TESK2: variants seen among roughly 807,000 people sequenced by gnomAD.
TESK2 encodes testis associated actin remodelling kinase 2.
In TESK2, 39 loss-of-function variants were observed where a neutral mutation model predicts 57.1. The ratio of observed to expected loss-of-function variants is 0.68; its 90% CI spans 0.53 to 0.89. TESK2 has a LOEUF of 0.89. TESK2 is among the 40% of genes least tolerant of loss of function. The pLI, the probability that TESK2 is intolerant of heterozygous loss-of-function variation, is 0.00. For missense variants in TESK2, 646 were observed against 732.1 expected (o/e 0.88, Z 1.36); for synonymous variants, 249 against 267.9 (o/e 0.93, Z 0.69).
intron 3 of TESK2, chr1:45,414,982 G>A: frequency 1.5e-6 from 1 of 669,824 alleles, no homozygotes; most frequent in South Asian, 1.7e-5. Context: ...GGTGCTTTGT[G>A]GACACTGCTG....
chr1:45,455,879 A>C (rs1652068328), intron 2 of TESK2, among the ~76,000 whole-genome samples: 1 of 151,968 alleles, frequency 6.6e-6, no homozygotes, highest in Non-Finnish European at 1.5e-5. Flanking sequence ...AAGACATGGG[A>C]AAGTATACCT....
intron 3 of TESK2, among the ~76,000 whole-genome samples, chr1:45,403,778 T>A (rs1162356324): frequency 1.3e-5 from 2 of 151,256 alleles, no homozygotes; most frequent in Non-Finnish European, 2.9e-5. Context: ...GAGGAAAATA[T>A]ATACCCTCTA....
chr1:45,440,286 A>G (rs1231937680), intron 2 of TESK2, among the ~76,000 whole-genome samples: 1 of 152,150 alleles, frequency 6.6e-6, no homozygotes, highest in African/African-American at 2.4e-5. Flanking sequence ...TTGCTCCAAT[A>G]AAAGCCTGTA....
intron 4 of TESK2, among the ~76,000 whole-genome samples, chr1:45,368,920 T>C (rs1415104977): frequency 2.0e-5 from 3 of 150,896 alleles, no homozygotes; most frequent in Non-Finnish European, 4.4e-5. Context: ...GGCTAATTTT[T>C]GTGTGTGTGT....
chr1:45,437,916 G>T (rs935457541), intron 2 of TESK2, among the ~76,000 whole-genome samples: 3 of 152,140 alleles, frequency 2.0e-5, no homozygotes, highest in Non-Finnish European at 4.4e-5. Flanking sequence ...AGATGTTGGG[G>T]TTTGGGGATG....
At chr1:45,357,503 T>C (rs905639890) in intron 4 of TESK2, among the ~76,000 whole-genome samples, 5 of 150,848 alleles carry the variant, frequency 3.3e-5, no homozygotes, top group African/African-American at 1.2e-4. Context: ...TATTTGAAGA[T>C]AGTCTTGCTG....
chr1:45,429,214 T>C (rs545756554), intron 2 of TESK2, among the ~76,000 whole-genome samples: 3 of 152,136 alleles, frequency 2.0e-5, no homozygotes, highest in Non-Finnish European at 2.9e-5. Flanking sequence ...GCCTGGCCAA[T>C]ATGGGGAAAA....
intron 4 of TESK2, among the ~76,000 whole-genome samples, chr1:45,377,367 G>GA (rs1648470813): frequency 6.7e-6 from 1 of 149,180 alleles, no homozygotes; most frequent in Non-Finnish European, 1.5e-5. Context: ...CAAGTGATGA[G>GA]AAAAAATCAA....
Position 45,457,570 on chromosome 1 carries a change from C to T in TESK2, c.216G>A (p.Val72=). The part of the protein sequence containing the change: ...EKIGSGFFSE[V]FKVRHRASGQ... ...AAGCTGAAGACTCACTCACCTTGAA[C>T]ACTTCAGAAAAGAAGCCAGACCCTA... is the stretch of plus-strand genomic sequence containing the variant. The change falls in exon 2 of 11, where the codon GTG becomes GTA. Residue 72 remains valine, a synonymous_variant. Transcript: ENST00000372086. 6.2e-7 allele frequency: 1 copy of T among 1,613,908 alleles called. No homozygotes were observed. Among genetic ancestry groups the T allele is most frequent in the Non-Finnish European group, 8.5e-7 (1 of 1,179,870 alleles).
At chr1:45,455,995 A>G (rs1018254746) in intron 2 of TESK2, among the ~76,000 whole-genome samples, 1 of 151,282 alleles carries the variant, frequency 6.6e-6, no homozygotes, top group African/African-American at 2.4e-5. Flanking sequence ...GAGTTCAAGA[A>G]CAGCCTGGGC....
chr1:45,476,344 C>CA (rs1254021775), intron 1 of TESK2, among the ~76,000 whole-genome samples: 1 of 151,914 alleles, frequency 6.6e-6, no homozygotes, highest in Non-Finnish European at 1.5e-5. Context: ...TTTGTCTCTA[C>CA]AAAAAATACA....
intron 1 of TESK2, among the ~76,000 whole-genome samples, chr1:45,460,009 C>A (rs1415395184): frequency 6.6e-6 from 1 of 152,062 alleles, no homozygotes; most frequent in African/African-American, 2.4e-5. Flanking sequence ...GGAGCTAAAT[C>A]TTGAGTTCAC....
At position 45,367,520 on chromosome 1, in the gene TESK2, T is replaced by G. The variant is rs12093448; in HGVS notation, c.394-12071A>C. 8.9e-3 allele frequency among the ~76,000 whole-genome samples: 1,348 copies of G among 152,022 alleles called. 22 individuals are homozygous for G. Among genetic ancestry groups the G allele is most frequent in the African/African-American group, 0.031 (1,288 of 41,446 alleles). On this transcript the variant is annotated intron_variant, in intron 4 of 10. Transcript: ENST00000372086. ...TGTGCCACCATGCCTGGCTAATTGT[T>G]GTATTTTTAGTAGAGATAGGGTTTC...
rs1256629992 is a variant in TESK2, at chr1:45,377,714, C to T, written c.393+8198G>A. Among the ~76,000 whole-genome samples the T allele has an allele frequency of 1.6e-4, 23 of 144,092 alleles. No individual in the cohort carries two copies. The East Asian group carries it at 1.8e-3, about 11-fold the overall frequency. The allele number at this position is 144,092 out of a possible 152,430, so 94.5% of individuals were successfully genotyped here. ...GATTACAGGTGTGAGCCACTGTGCCCGGCCAAGAACAAGGATTCTAATAAT... is the reference window on the plus strand; with the variant it reads ...GATTACAGGTGTGAGCCACTGTGCCTGGCCAAGAACAAGGATTCTAATAAT... On this transcript the variant is annotated intron_variant, in intron 4 of 10. Coordinates refer to ENST00000372086, the MANE Select transcript of TESK2 (RefSeq NM_007170.3).
rs549019875 is a variant in TESK2, at chr1:45,345,498, T to G, written c.1058A>C (p.His353Pro). 1.9e-6 allele frequency: 3 copies of G among 1,614,078 alleles called. No individual in the cohort carries two copies. Among genetic ancestry groups the G allele is most frequent in the East Asian group, 2.2e-5 (1 of 44,878 alleles). Reference protein sequence around the residue: ...RLSSLDDKIPHKSPCPRRTIW... With the variant: ...RLSSLDDKIPPKSPCPRRTIW... Reference sequence around the variant, plus strand: ...GGTACGTCTTGGGCATGGTGACTTGTGGGGGATCTTGTCATCCAGTGAGCT... The same window carrying G: ...GGTACGTCTTGGGCATGGTGACTTGGGGGGGATCTTGTCATCCAGTGAGCT... The change falls in exon 11 of 11, where the codon CAC (histidine) becomes CCC (proline). Residue 353 changes from histidine to proline, a missense_variant. Coordinates refer to ENST00000372086, the MANE Select transcript of TESK2 (RefSeq NM_007170.3).
At position 45,397,623 on chromosome 1, in the gene TESK2, C is replaced by T. The variant is rs552907830; in HGVS notation, c.345-11663G>A. On this transcript the variant is annotated intron_variant, in intron 3 of 10. Coordinates refer to ENST00000372086, the MANE Select transcript of TESK2 (RefSeq NM_007170.3). ...TTTTATAAAATTCTTATTTTTCCAA[C>T]CCGGACCCAGAGCCAGCACCGCCTG... 1.2e-4 allele frequency among the ~76,000 whole-genome samples: 18 copies of T among 152,196 alleles called. 1 individual carries two copies. The South Asian group carries it at 3.7e-3, about 32-fold the overall frequency.
At chr1:45,442,119 AG>A (rs1007528535) in intron 2 of TESK2, among the ~76,000 whole-genome samples, 1 of 151,988 alleles carries the variant, frequency 6.6e-6, no homozygotes, top group Non-Finnish European at 1.5e-5. Context: ...TATTTTTAGT[AG>A]AGATGAGGTT....
chr1:45,391,040 C>T (rs1320042570), intron 3 of TESK2, among the ~76,000 whole-genome samples: 1 of 151,688 alleles, frequency 6.6e-6, no homozygotes, highest in Non-Finnish European at 1.5e-5. Flanking sequence ...GCCCCAGCCT[C>T]CCGAGTAGCT....
chr1:45,490,757 G>C (rs1222257190), intron 1 of TESK2, 95 bp downstream of exon 1: 1 of 152,256 alleles, frequency 6.6e-6, no homozygotes, highest in Non-Finnish European at 1.5e-5. Context: ...AGGGACGCAG[G>C]CGCCTCTGCT....
Sources: allele counts gnomAD v4.1 joint callset (sites outside exome capture counted in the v4.1 genomes callset), GRCh38; gene constraint gnomAD v4.1.1; transcripts MANE v1.5; gene names NCBI Gene and HGNC (gene_info 2026-07-23, HGNC 2026-07-21).